The following STEAP1B variants were observed in gnomAD, a reference collection of about 807,000 sequenced individuals.
STEAP1B encodes STEAP family protein MGC87042.
STEAP1B carries 13 observed loss-of-function variants against 27.9 expected under a neutral mutation model. The ratio of observed to expected loss-of-function variants is 0.47; its 90% CI spans 0.30 to 0.74. STEAP1B has a LOEUF of 0.74. STEAP1B is among the 30% of genes least tolerant of loss of function. The pLI is 0.06. For synonymous variants in STEAP1B, 86 were observed against 107.1 expected (o/e 0.80, Z 1.22); for missense variants, 250 against 298.7 (o/e 0.84, Z 1.20).
At chr7:22,436,473 T>C (rs1284463981) in intron 4 of STEAP1B, among the ~76,000 whole-genome samples, 1 of 152,158 alleles carries the variant, frequency 6.6e-6, no homozygotes, top group Non-Finnish European at 1.5e-5. Context: ...GGTAAACTTG[T>C]TATGCAGATT....
At chr7:22,431,813 A>T (rs1698455216) in intron 4 of STEAP1B, among the ~76,000 whole-genome samples, 1 of 151,606 alleles carries the variant, frequency 6.6e-6, no homozygotes, top group African/African-American at 2.4e-5. Context: ...TAGAAGGGCG[A>T]CTCCACTTGG....
In STEAP1B at chr7:22,442,281, T is replaced by C. The variant is rs529521867; in HGVS notation, c.763-22445A>G. Among the ~76,000 whole-genome samples, 291 of 152,368 alleles carry C rather than the reference T, an allele frequency of 1.9e-3. 2 individuals are homozygous for C. The highest frequency in any genetic ancestry group is 3.3e-3 in the Non-Finnish European group (223 of 68,046). Reference sequence around the variant, plus strand: ...CCAGCAGTTTTCAAGGGAAAGTGACTGACATTAAGTAAACATGATTCTTTA... The same window carrying C: ...CCAGCAGTTTTCAAGGGAAAGTGACCGACATTAAGTAAACATGATTCTTTA... On this transcript the variant is annotated intron_variant, in intron 4 of 4. Coordinates refer to ENST00000678116, the MANE Select transcript of STEAP1B (RefSeq NM_001382447.1).
intron 4 of STEAP1B, among the ~76,000 whole-genome samples, chr7:22,440,362 C>T (rs1373768645): frequency 1.3e-5 from 2 of 152,118 alleles, no homozygotes; most frequent in Non-Finnish European, 2.9e-5. Flanking sequence ...TTGGGTGAAA[C>T]ATTCAAAAGA....
intron 4 of STEAP1B, among the ~76,000 whole-genome samples, chr7:22,438,018 T>C (rs929550989): frequency 1.1e-4 from 16 of 152,222 alleles, no homozygotes; most frequent in Admixed American, 5.2e-4. Context: ...CCTTTATCAG[T>C]GTATATGATT....
At chr7:22,422,229 T>C (rs1350914519) in intron 4 of STEAP1B, among the ~76,000 whole-genome samples, 3 of 152,252 alleles carry the variant, frequency 2.0e-5, no homozygotes, top group Non-Finnish European at 4.4e-5. Flanking sequence ...CATGTGTGTG[T>C]GTGGCTGTTA....
At chr7:22,466,220 T>C (rs529243193) in intron 4 of STEAP1B, among the ~76,000 whole-genome samples, 10 of 152,236 alleles carry the variant, frequency 6.6e-5, no homozygotes, top group African/African-American at 9.6e-5. Flanking sequence ...CAGTTTTTTT[T>C]CTACCTTTCC....
chr7:22,473,549 T>C (rs962655944), intron 4 of STEAP1B, among the ~76,000 whole-genome samples: 1 of 152,234 alleles, frequency 6.6e-6, no homozygotes. Flanking sequence ...GCTGAAATGA[T>C]GACTGAGACA....
intron 4 of STEAP1B, among the ~76,000 whole-genome samples, chr7:22,420,414 C>G (rs975434693): frequency 3.3e-5 from 5 of 152,230 alleles, no homozygotes; most frequent in Non-Finnish European, 7.3e-5. Flanking sequence ...TAGTATCCCA[C>G]AGCCTGCTCA....
chr7:22,486,835 C>T (rs1250682338), intron 4 of STEAP1B, among the ~76,000 whole-genome samples: 1 of 152,062 alleles, frequency 6.6e-6, no homozygotes, highest in Non-Finnish European at 1.5e-5. Flanking sequence ...GTTTCAGGGC[C>T]TTCACTCAGG....
At chr7:22,456,798 G>A (rs1785585667) in intron 4 of STEAP1B, among the ~76,000 whole-genome samples, 1 of 150,990 alleles carries the variant, frequency 6.6e-6, no homozygotes, top group Admixed American at 6.6e-5. Flanking sequence ...CGGATGTAGT[G>A]CCACAGGGAT....
intron 4 of STEAP1B, among the ~76,000 whole-genome samples, chr7:22,453,752 A>G (rs1192161918): frequency 6.6e-6 from 1 of 152,224 alleles, no homozygotes; most frequent in Non-Finnish European, 1.5e-5. Context: ...ACGTCCATTG[A>G]CATAGAGTTG....
chr7:22,487,804 CAA>C (rs200447382), intron 4 of STEAP1B, among the ~76,000 whole-genome samples: 11 of 81,348 alleles, frequency 1.4e-4, no homozygotes, highest in Non-Finnish European at 1.5e-4. Flanking sequence ...AAACTCCACC[CAA>C]AAAAAAAAAA....
intron 4 of STEAP1B, among the ~76,000 whole-genome samples, chr7:22,478,361 C>T (rs1209306147): frequency 6.6e-6 from 1 of 152,194 alleles, no homozygotes; most frequent in African/African-American, 2.4e-5. Flanking sequence ...CTCAGCCTAC[C>T]GCTCCAAGAT....
chr7:22,485,993 T>C (rs1367774301), intron 4 of STEAP1B, among the ~76,000 whole-genome samples: 2 of 152,214 alleles, frequency 1.3e-5, no homozygotes, highest in African/African-American at 4.8e-5. Flanking sequence ...ATTAGTATAC[T>C]GCCTGGCATA....
At chr7:22,421,879 G>A (rs920319787) in intron 4 of STEAP1B, among the ~76,000 whole-genome samples, 7 of 152,158 alleles carry the variant, frequency 4.6e-5, no homozygotes, top group Admixed American at 3.9e-4. Flanking sequence ...TTCTTTCAAT[G>A]TATACCCCAC....
chr7:22,458,015 T>C (rs1224349247), intron 4 of STEAP1B, among the ~76,000 whole-genome samples: 1 of 152,226 alleles, frequency 6.6e-6, no homozygotes, highest in Non-Finnish European at 1.5e-5. Flanking sequence ...CAGCTTAATT[T>C]ATTGTAAGTC....
intron 1 of STEAP1B, among the ~76,000 whole-genome samples, chr7:22,498,284 G>A (rs10250497): frequency 0.086 from 13,015 of 151,926 alleles, 651 homozygotes; most frequent in African/African-American, 0.095. Flanking sequence ...CCCATGGTCC[G>A]ATCACCTCCC....
intron 4 of STEAP1B, among the ~76,000 whole-genome samples, chr7:22,451,310 T>G (rs1785484851): frequency 6.7e-6 from 1 of 149,348 alleles, no homozygotes; most frequent in Non-Finnish European, 1.5e-5. Context: ...TTTTTTTTTG[T>G]GAAGTCTTTA....
At chr7:22,498,893 A>T (rs1786487465) in intron 1 of STEAP1B, among the ~76,000 whole-genome samples, 3 of 152,204 alleles carry the variant, frequency 2.0e-5, no homozygotes, top group Admixed American at 1.3e-4. Context: ...CACACTCAAG[A>T]GCGAAGCCAA....
Sources: allele counts gnomAD v4.1 joint callset (sites outside exome capture counted in the v4.1 genomes callset), GRCh38; gene constraint gnomAD v4.1.1; transcripts MANE v1.5; gene names NCBI Gene and HGNC (gene_info 2026-07-23, HGNC 2026-07-21).